The following PEAK1 variants were observed in gnomAD, a reference collection of about 807,000 sequenced individuals.
The protein encoded by PEAK1 is pseudopodium enriched atypical kinase 1.
A neutral mutation model predicts 124.7 loss-of-function variants in PEAK1; 54 were observed. That is an observed-to-expected ratio of 0.43 (90% CI 0.35 to 0.54). The LOEUF (loss-of-function observed/expected upper bound fraction) is 0.54. PEAK1 is among the 20% of genes least tolerant of loss of function. The pLI, the probability that PEAK1 is intolerant of heterozygous loss-of-function variation, is 0.01. For synonymous variants in PEAK1, 719 were observed against 760.0 expected, an observed-to-expected ratio of 0.95 and a Z score of 0.89; for missense variants, 2,046 against 2,134.5, an observed-to-expected ratio of 0.96 and a Z score of 0.82.
chr15:77,394,626 C>G (rs2141956265), intron 1 of PEAK1, among the ~76,000 whole-genome samples: 1 of 152,302 alleles, frequency 6.6e-6, no homozygotes, highest in East Asian at 1.9e-4. Flanking sequence ...TGGATTACAA[C>G]ACCCAAGTCC....
At chr15:77,313,132 C>G (rs1187886564) in intron 2 of PEAK1, among the ~76,000 whole-genome samples, 1 of 152,034 alleles carries the variant, frequency 6.6e-6, no homozygotes, top group African/African-American at 2.4e-5. Flanking sequence ...CAAGATAAAC[C>G]TGGGGCATTT....
At chr15:77,117,268 G>A (rs1250935328) in intron 9 of PEAK1, among the ~76,000 whole-genome samples, 3 of 152,138 alleles carry the variant, frequency 2.0e-5, no homozygotes, top group Non-Finnish European at 4.4e-5. Flanking sequence ...GGGAGGCCTG[G>A]GATTTAGCTT....
chr15:77,236,803 C>T (rs1395583000), intron 6 of PEAK1, among the ~76,000 whole-genome samples: 1 of 152,212 alleles, frequency 6.6e-6, no homozygotes, highest in Admixed American at 6.5e-5. Context: ...ATGGGATCAT[C>T]GGGGCAGTTT....
chr15:77,157,317 T>G (rs1437329829), intron 8 of PEAK1: 1 of 152,278 alleles, frequency 6.6e-6, no homozygotes, highest in African/African-American at 2.4e-5. Flanking sequence ...TGAATCTTGC[T>G]TGTGCTCTGC....
chr15:77,189,518 C>T (rs2057726206), intron 6 of PEAK1, among the ~76,000 whole-genome samples: 2 of 152,184 alleles, frequency 1.3e-5, no homozygotes, highest in African/African-American at 4.8e-5. Context: ...AATAGGCACA[C>T]CCACACCTTC....
rs772692333 is a variant in PEAK1 at position 77,180,459 on chromosome 15, C to T, written c.1468G>A (p.Glu490Lys). 3.7e-5 allele frequency: 60 copies of T among 1,613,914 alleles called. No individual in the cohort carries two copies. The highest frequency in any genetic ancestry group is 1.6e-4 in the Middle Eastern group (1 of 6,082). ...GTCTTGGGGCTGTTAACAGGGCCCT[C>T]GAGGTGCTCACTGGCCATGGCTGCT... ...VSAAMASEHLEGPVNSPKTKS... is the reference protein window; with the variant it reads ...VSAAMASEHLKGPVNSPKTKS... The change falls in exon 7 of 10, where the codon GAG becomes AAG. Residue 490 changes from glutamate (E) to lysine (K), a missense_variant. Transcript: ENST00000682557.
chr15:77,337,377 T>A, intron 2 of PEAK1: 1 of 949,206 alleles, frequency 1.1e-6, no homozygotes, highest in Non-Finnish European at 1.3e-6. Flanking sequence ...AATCAAGAAA[T>A]AATCATTGAA....
rs1567070034 is a variant in PEAK1, at chr15:77,178,832, CTCT to C, written c.3092_3094del (p.Lys1031del). 1.9e-6 allele frequency: 3 copies of C among 1,613,416 alleles called. No individual in the cohort carries two copies. In the African/African-American group the frequency reaches 4.0e-5, roughly 22 times the overall value. ...AATCTGTGATGGAGAAGAATGACTC[CTCT>C]TCTTCTCTGAGTCCTGTAGTAATGC... On this transcript the variant is annotated inframe_deletion, in exon 7 of 10. Coordinates refer to ENST00000682557, the MANE Select transcript of PEAK1 (RefSeq NM_001385026.1).
chr15:77,188,202 A>G (rs2057646652), intron 6 of PEAK1, among the ~76,000 whole-genome samples: 1 of 152,236 alleles, frequency 6.6e-6, no homozygotes, highest in Admixed American at 6.5e-5. Flanking sequence ...TATCTAAAGA[A>G]GAAACCAAAG....
chr15:77,119,306 T>C (rs1053741265), intron 9 of PEAK1, among the ~76,000 whole-genome samples: 4 of 152,190 alleles, frequency 2.6e-5, no homozygotes, highest in Non-Finnish European at 5.9e-5. Context: ...TATATACATA[T>C]GCACCAACAT....
chr15:77,142,351 A>C (rs1043548101), intron 8 of PEAK1, among the ~76,000 whole-genome samples: 1 of 152,222 alleles, frequency 6.6e-6, no homozygotes, highest in Non-Finnish European at 1.5e-5. Flanking sequence ...ATGCTTATAC[A>C]TTGCTAGTAG....
chr15:77,333,512 A>G, intron 2 of PEAK1: 6 of 856,286 alleles, frequency 7.0e-6, no homozygotes, highest in Non-Finnish European at 8.4e-6. Flanking sequence ...ATAGAAAATA[A>G]TTTCTCCACT....
In PEAK1 at chr15:77,114,136, A is replaced by C; in HGVS notation, c.*20T>G. On this transcript the variant is annotated 3_prime_UTR_variant, in exon 10 of 10. Coordinates refer to ENST00000682557, the MANE Select transcript of PEAK1 (RefSeq NM_001385026.1). ...CATGAAGAAGGTGAAGATGTAGTAA[A>C]AGCATCATCCAGGTACACATTAACG... 1 of 1,604,190 alleles carries C rather than the reference A, an allele frequency of 6.2e-7. No individual in the cohort carries two copies. Among genetic ancestry groups the C allele is most frequent in the Non-Finnish European group, 8.5e-7 (1 of 1,172,224 alleles).
chr15:77,408,066 CATAT>C (rs779966268), intron 1 of PEAK1, among the ~76,000 whole-genome samples: 64 of 127,376 alleles, frequency 5.0e-4, no homozygotes, highest in Non-Finnish European at 9.7e-4. Flanking sequence ...CATAGATACA[CATAT>C]ATACATATAT....
At chr15:77,303,410 C>T (rs2063894881) in intron 2 of PEAK1, among the ~76,000 whole-genome samples, 1 of 152,144 alleles carries the variant, frequency 6.6e-6, no homozygotes, top group Non-Finnish European at 1.5e-5. Context: ...TCCACATCCT[C>T]ACCAGAATTT....
intron 6 of PEAK1, among the ~76,000 whole-genome samples, chr15:77,233,173 G>T (rs1020188415): frequency 7.2e-5 from 11 of 152,046 alleles, no homozygotes; most frequent in African/African-American, 2.7e-4. Flanking sequence ...TTCCCTCTAA[G>T]TACCACTGCA....
chr15:77,315,076 A>G (rs2064788352), intron 2 of PEAK1, among the ~76,000 whole-genome samples: 1 of 152,228 alleles, frequency 6.6e-6, no homozygotes, highest in African/African-American at 2.4e-5. Flanking sequence ...TTTTTTAAAA[A>G]AGAAAAAGAC....
intron 1 of PEAK1, among the ~76,000 whole-genome samples, chr15:77,378,298 T>C (rs1039657592): frequency 5.3e-5 from 8 of 151,726 alleles, no homozygotes; most frequent in Admixed American, 1.3e-4. Context: ...TTACGAAGCA[T>C]CTCATTTCTT....
intron 2 of PEAK1, among the ~76,000 whole-genome samples, chr15:77,360,368 T>G (rs1456193029): frequency 6.6e-6 from 1 of 151,982 alleles, no homozygotes; most frequent in African/African-American, 2.4e-5. Flanking sequence ...ACCAAAAAAA[T>G]AAATAAGTAA....
Sources: allele counts gnomAD v4.1 joint callset (sites outside exome capture counted in the v4.1 genomes callset), GRCh38; gene constraint gnomAD v4.1.1; transcripts MANE v1.5; gene names NCBI Gene and HGNC (gene_info 2026-07-23, HGNC 2026-07-21).